STAP1: variants seen among roughly 807,000 people sequenced by gnomAD.
The protein encoded by STAP1 is signal transducing adaptor family member 1, also known as signal-transducing adaptor protein 1.
Under a neutral mutation model 37.8 loss-of-function variants are expected in STAP1, and 30 were observed. The observed-to-expected ratio is 0.79, with a 90% CI of 0.59 to 1.08. The LOEUF is 1.08. STAP1 is among the 50% of genes least tolerant of loss of function. The pLI is 0.00. For missense variants in STAP1, 357 were observed against 349.4 expected (o/e 1.02, Z -0.17); for synonymous variants, 130 against 116.0 (o/e 1.12, Z -0.78).
chr4:67,579,307 T>C (rs1296070095), intron 4 of STAP1, among the ~76,000 whole-genome samples: 1 of 152,212 alleles, frequency 6.6e-6, no homozygotes, highest in African/African-American at 2.4e-5. Flanking sequence ...TCAGACTGTA[T>C]GTAGTTGAAA....
At chr4:67,560,639 T>TGG (rs1180719363) in intron 1 of STAP1, among the ~76,000 whole-genome samples, 55 of 74,968 alleles carry the variant, frequency 7.3e-4, no homozygotes, top group African/African-American at 7.3e-4. Flanking sequence ...TCTTTGTGTG[T>TGG]GTGGGTGTGT....
intron 7 of STAP1, 60 bp downstream of exon 7, chr4:67,591,013 G>A: frequency 7.3e-7 from 1 of 1,377,532 alleles, no homozygotes; most frequent in Non-Finnish European, 1.0e-6. Flanking sequence ...TAGCCTCCTA[G>A]TGCTGGCAAA....
Position 67,593,268 on chromosome 4 carries a change from C to G in STAP1, c.738C>G (p.Leu246=), listed in dbSNP as rs144841016. ...ACTCTCTATTAATACAGGTAACACTCCCAAACCTTTTCAGTGTCATTGATT... is the reference window on the plus strand; with the variant it reads ...ACTCTCTATTAATACAGGTAACACTGCCAAACCTTTTCAGTGTCATTGATT... ...YTIELEKPVT[L]PNLFSVIDYF... Residue 246 remains leucine, a synonymous_variant, in exon 8 of 9, where the codon CTC becomes CTG. Transcript: ENST00000265404. 6.2e-7 allele frequency: 1 copy of G among 1,612,486 alleles called. No individual in the cohort carries two copies. Among genetic ancestry groups the G allele is most frequent in the South Asian group, 1.1e-5 (1 of 90,736 alleles).
rs369595561 is a variant in STAP1, at chr4:67,589,243, C to T, written c.660-1641C>T. Among the ~76,000 whole-genome samples the T allele has an allele frequency of 1.3e-4, 20 of 152,312 alleles. No homozygotes were observed. In the East Asian group the frequency reaches 2.7e-3, roughly 21 times the overall value. On this transcript the variant is annotated intron_variant, in intron 6 of 8. Coordinates refer to ENST00000265404, the MANE Select transcript of STAP1 (RefSeq NM_012108.4). ...CCACCCTGAAAAGGTGCTGTATGAC[C>T]TTCTGTGTCCAAAAATGCTTCCTTC...
chr4:67,579,603 A>G (rs1375749906), intron 4 of STAP1, among the ~76,000 whole-genome samples: 2 of 152,152 alleles, frequency 1.3e-5, no homozygotes, highest in Non-Finnish European at 2.9e-5. Flanking sequence ...TACTCATGGC[A>G]GAAGGTGAAG....
intron 1 of STAP1, among the ~76,000 whole-genome samples, chr4:67,570,615 T>C (rs1727582115): frequency 6.6e-6 from 1 of 150,450 alleles, no homozygotes; most frequent in African/African-American, 2.5e-5. Context: ...TGAGCCATGA[T>C]TGTACCACTA....
intron 6 of STAP1, among the ~76,000 whole-genome samples, chr4:67,584,927 G>A (rs1727948392): frequency 6.6e-6 from 1 of 152,114 alleles, no homozygotes; most frequent in Admixed American, 6.5e-5. Context: ...TCTTTGTCAA[G>A]GTTACTAATT....
At chr4:67,580,405 C>T (rs150596716) in intron 4 of STAP1, among the ~76,000 whole-genome samples, 1,559 of 152,090 alleles carry the variant, frequency 0.01, 27 homozygotes, top group African/African-American at 0.035. Context: ...TGTACTTGTA[C>T]GCATATTAAA....
In STAP1 at chr4:67,570,254, T is replaced by C. The variant is rs115962065; in HGVS notation, c.121-830T>C. ...TCATTTATTAATCATTAACAAGTAT[T>C]ATTTACTGTACATAATTATATGTCC... On this transcript the variant is annotated intron_variant, in intron 1 of 8. Transcript: ENST00000265404. Among the ~76,000 whole-genome samples the C allele has an allele frequency of 8.1e-4, 123 of 152,304 alleles. 1 individual carries two copies. The highest frequency in any genetic ancestry group is 6.6e-4 in the Non-Finnish European group (45 of 68,030).
chr4:67,576,161 A>C (rs750371716), intron 3 of STAP1, among the ~76,000 whole-genome samples: 44 of 151,504 alleles, frequency 2.9e-4, no homozygotes, highest in Admixed American at 1.3e-4. Flanking sequence ...CTCAGATGAA[A>C]CCCCCTCACC....
intron 8 of STAP1, among the ~76,000 whole-genome samples, chr4:67,601,615 C>A (rs1441519653): frequency 4.6e-5 from 7 of 152,174 alleles, no homozygotes; most frequent in African/African-American, 1.7e-4. Flanking sequence ...GATATTTTCA[C>A]TGGATATACT....
intron 8 of STAP1, among the ~76,000 whole-genome samples, chr4:67,595,357 G>T (rs1231399813): frequency 7.6e-6 from 1 of 131,360 alleles, no homozygotes; most frequent in Non-Finnish European, 1.5e-5. Flanking sequence ...GCAACATAGG[G>T]AGACTTCGTT....
chr4:67,571,627 G>A (rs1727608402), intron 2 of STAP1, among the ~76,000 whole-genome samples: 1 of 152,138 alleles, frequency 6.6e-6, no homozygotes, highest in African/African-American at 2.4e-5. Flanking sequence ...GCTTAAACAT[G>A]AGAATAACAA....
intron 2 of STAP1, among the ~76,000 whole-genome samples, chr4:67,572,490 T>G (rs892181474): frequency 4.6e-5 from 7 of 152,156 alleles, no homozygotes; most frequent in African/African-American, 1.7e-4. Flanking sequence ...CTCCTGCCAC[T>G]GTTCTCCAGT....
chr4:67,590,468 T>C (rs984589934), intron 6 of STAP1, among the ~76,000 whole-genome samples: 3 of 152,210 alleles, frequency 2.0e-5, no homozygotes, highest in Non-Finnish European at 4.4e-5. Flanking sequence ...GAAAGCAATG[T>C]ACTTTTAATA....
intron 8 of STAP1, among the ~76,000 whole-genome samples, chr4:67,596,654 A>G (rs539798144): frequency 8.5e-4 from 130 of 152,320 alleles, no homozygotes; most frequent in Non-Finnish European, 1.3e-3. Flanking sequence ...CTCGAGTAAG[A>G]GTCATTCATG....
intron 6 of STAP1, among the ~76,000 whole-genome samples, chr4:67,588,998 GC>G (rs1728061875): frequency 6.6e-6 from 1 of 152,146 alleles, no homozygotes. Context: ...GCCCCTTGAG[GC>G]AAGGCACCAT....
intron 6 of STAP1, among the ~76,000 whole-genome samples, chr4:67,587,500 A>G (rs1397249115): frequency 2.6e-5 from 4 of 152,362 alleles, no homozygotes; most frequent in East Asian, 1.9e-4. Flanking sequence ...TTCATAAGAC[A>G]TAAAGCTGTT....
chr4:67,576,616 C>T (rs1384006958), intron 3 of STAP1, among the ~76,000 whole-genome samples: 1 of 152,164 alleles, frequency 6.6e-6, no homozygotes, highest in Admixed American at 6.6e-5. Context: ...AAGCAACTTT[C>T]TCACCTTAGC....
Sources: gnomAD v4.1 joint callset for allele counts (sites outside exome capture counted in the v4.1 genomes callset) on GRCh38, gnomAD v4.1.1 for gene constraint, MANE v1.5 for transcripts, NCBI Gene and HGNC (gene_info 2026-07-23, HGNC 2026-07-21) for gene names.